Variants in FAM161A observed in about 807,000 individuals in gnomAD.
FAM161A encodes FAM161 centrosomal protein A, also known as protein FAM161A.
A neutral mutation model predicts 70.9 loss-of-function variants in FAM161A; 57 were observed. The observed-to-expected ratio is 0.80, with a 90% CI of 0.65 to 1.00. The LOEUF (loss-of-function observed/expected upper bound fraction) is 1.00, where lower values mean the gene tolerates loss of function less well. Ranked by LOEUF, FAM161A falls within the 50% of genes least tolerant of loss-of-function variation. FAM161A has a pLI of 0.00. For missense variants in FAM161A, 880 were observed against 836.0 expected (o/e 1.05, Z -0.65); for synonymous variants, 299 against 295.7 (o/e 1.01, Z -0.12).
At chr2:61,808,126 C>T in the FAM161A span, among the ~76,000 whole-genome samples, 1 of 152,152 alleles carries the variant, frequency 6.6e-6, no homozygotes, top group Non-Finnish European at 1.5e-5. Flanking sequence ...ACATGGCCAC[C>T]TGCTGTCTGC....
rs4270331 is a variant in FAM161A, at chr2:61,853,877, A to C, written c.165T>G (p.Ala55=). Residue 55 remains alanine (A), a synonymous_variant, in exon 1 of 7, where the codon GCT becomes GCG. Coordinates refer to ENST00000404929, the MANE Select transcript of FAM161A (RefSeq NM_001201543.2). The stretch of plus-strand genomic sequence containing the variant: ...GTATTACCGATGCCCCAGCGGGCTG[A>C]GCCACTTTCTCCTCCTCTTCGTCCT... ...ILEDEEEEKV[A]QPAGASADLN... 1,567,764 of 1,613,966 alleles carry C rather than the reference A, an allele frequency of 0.97. 761,595 individuals carry two copies. Among genetic ancestry groups the C allele is most frequent in the East Asian group, 0.99 (44,631 of 44,868 alleles).
downstream of FAM161A, among the ~76,000 whole-genome samples, chr2:61,823,395 G>C (rs1161240521): frequency 8.2e-6 from 1 of 122,644 alleles, no homozygotes; most frequent in African/African-American, 3.0e-5. Context: ...ATTGAGTCAG[G>C]GTCTCACTTT....
chr2:61,813,775 G>T, the FAM161A span, among the ~76,000 whole-genome samples: 6 of 151,258 alleles, frequency 4.0e-5, no homozygotes, highest in East Asian at 1.2e-3. Context: ...TAGCTATATT[G>T]TTGAGCTGTT....
At chr2:61,811,350 G>A in the FAM161A span, among the ~76,000 whole-genome samples, 1,464 of 151,736 alleles carry the variant, frequency 9.6e-3, 17 homozygotes, top group African/African-American at 0.033. Context: ...GGTATGCGCC[G>A]CCGCACCTGG....
Position 61,825,052 on chromosome 2 carries a change from C to T in FAM161A, c.*1403G>A, listed in dbSNP as rs754374384. ...ATTTGCCCCTGATGGAGAAAAATGACCTTATTTTTAAATTTAAAGCATAAA... is the reference window on the plus strand; with the variant it reads ...ATTTGCCCCTGATGGAGAAAAATGATCTTATTTTTAAATTTAAAGCATAAA... On this transcript the variant is annotated 3_prime_UTR_variant, in exon 7 of 7. Coordinates refer to ENST00000404929, the MANE Select transcript of FAM161A (RefSeq NM_001201543.2). The T allele has an allele frequency of 1.1e-5, 5 of 453,718 alleles. No individual in the cohort carries two copies. The highest frequency in any genetic ancestry group is 7.8e-5 in the South Asian group (5 of 64,278). 28.1% of individuals were successfully genotyped at this position (453,718 alleles called of 1,614,324 possible). A position where few individuals can be genotyped will look rare whatever the true frequency, so the allele number is the denominator to read the frequency against.
chr2:61,834,347 A>G (rs2105070966), intron 5 of FAM161A, among the ~76,000 whole-genome samples: 2 of 152,308 alleles, frequency 1.3e-5, no homozygotes, highest in South Asian at 4.1e-4. Context: ...ACTGGAGAAT[A>G]TAAGAGGGAG....
chr2:61,830,105 G>C (rs1004565409), intron 5 of FAM161A, among the ~76,000 whole-genome samples: 1 of 152,188 alleles, frequency 6.6e-6, no homozygotes. Context: ...GAGAATGGAT[G>C]ATTGTCCCTG....
chr2:61,838,678 C>T lies in FAM161A; in HGVS notation c.1611G>A (p.Leu537=). Residue 537 remains leucine, a synonymous_variant, in exon 4 of 7, where the codon TTG becomes TTA. Coordinates refer to ENST00000404929, the MANE Select transcript of FAM161A (RefSeq NM_001201543.2). The stretch of plus-strand genomic sequence containing the variant: ...TTAGGATCCGATTTCTCTCTTCTTC[C>T]AACATTTTCTTTTCCTCAAGTGATC... ...VRRSLEEKKM[L]EEERNRILTK... 1.2e-6 allele frequency: 2 copies of T among 1,608,072 alleles called. No homozygotes were observed. The highest frequency in any genetic ancestry group is 1.7e-6 in the Non-Finnish European group (2 of 1,177,872).
chr2:61,822,888 C>G (rs563757586), downstream of FAM161A, among the ~76,000 whole-genome samples: 9 of 152,166 alleles, frequency 5.9e-5, no homozygotes, highest in East Asian at 1.7e-3. Flanking sequence ...CTGCACCCGG[C>G]CTGAAGTTAA....
At chr2:61,823,361 TCATATATA>T (rs1321194956), downstream of FAM161A, among the ~76,000 whole-genome samples, 3 of 9,314 alleles carry the variant, frequency 3.2e-4, no homozygotes, top group Non-Finnish European at 6.7e-4. Context: ...AAATTTTCCA[TCATATATA>T]TATATATATA....
At chr2:61,817,219 G>A in the FAM161A span, among the ~76,000 whole-genome samples, 7 of 152,210 alleles carry the variant, frequency 4.6e-5, no homozygotes, top group East Asian at 1.9e-4. Context: ...CCTGTGAGTC[G>A]CTTCACAGAT....
At position 61,840,011 on chromosome 2, in the gene FAM161A, C is replaced by G; in HGVS notation, c.993G>C (p.Glu331Asp). The G allele has an allele frequency of 6.2e-7, 1 of 1,614,174 alleles. No homozygotes were observed. Among genetic ancestry groups the G allele is most frequent in the Non-Finnish European group, 8.5e-7 (1 of 1,180,040 alleles). ...TTTCCCGGGCTGCTCGCTTCTGTTC[C>G]TCCCTTGCTATAAATTTAAATGGCT... ...SQKPFKFIAR[E>D]EQKRAAREKQ... Residue 331 changes from glutamate to aspartate, a missense_variant, in exon 3 of 7, where the codon GAG becomes GAC. Glu to Asp is a conservative substitution (Grantham distance 45, BLOSUM62 2). Coordinates refer to ENST00000404929, the MANE Select transcript of FAM161A (RefSeq NM_001201543.2).
intron 5 of FAM161A, among the ~76,000 whole-genome samples, chr2:61,834,191 G>A (rs769981222): frequency 3.3e-5 from 5 of 152,192 alleles, no homozygotes; most frequent in Non-Finnish European, 5.9e-5. Flanking sequence ...ATGAAATCAT[G>A]TCCTTTGCAA....
At chr2:61,817,546 G>T in the FAM161A span, among the ~76,000 whole-genome samples, 1 of 152,178 alleles carries the variant, frequency 6.6e-6, no homozygotes, top group African/African-American at 2.4e-5. Flanking sequence ...TGGATCCTGA[G>T]CACAGAGCCT....
In FAM161A at chr2:61,839,073, G is replaced by GT. The variant is rs1672894835; in HGVS notation, c.1583+347_1583+348insA. Among the ~76,000 whole-genome samples the GT allele has an allele frequency of 6.6e-5, 10 of 151,478 alleles. No homozygotes were observed. In the South Asian group the frequency reaches 1.9e-3, roughly 28 times the overall value. ...AATTTTTTGTATTTTTAGTAGAGATGGGGGTTTCATTATCTCGGCCAGGGT... is the reference window on the plus strand; with the variant it reads ...AATTTTTTGTATTTTTAGTAGAGATGTGGGGTTTCATTATCTCGGCCAGGGT... On this transcript the variant is annotated intron_variant, in intron 3 of 6. Coordinates refer to ENST00000404929, the MANE Select transcript of FAM161A (RefSeq NM_001201543.2).
the FAM161A span, among the ~76,000 whole-genome samples, chr2:61,812,930 G>T: frequency 6.6e-6 from 1 of 152,016 alleles, no homozygotes; most frequent in East Asian, 1.9e-4. Context: ...TTAGCTGGGC[G>T]TGGTGGCAGG....
chr2:61,839,970 A>C lies in FAM161A; in HGVS notation c.1034T>G (p.Phe345Cys). The change falls in exon 3 of 7, where the codon TTT becomes TGT. Residue 345 changes from phenylalanine to cysteine, a missense_variant. Physicochemically the swap from Phe to Cys is radical, Grantham distance 205. Transcript: ENST00000404929. ...ATTTGTTTTCTTTTTATACTTAAGAAAGTCTCTCAGCTGCTTTTCCCGGGC... is the reference window on the plus strand; with the variant it reads ...ATTTGTTTTCTTTTTATACTTAAGACAGTCTCTCAGCTGCTTTTCCCGGGC... ...RAAREKQLRD[F>C]LKYKKKTNRF... 1 of 1,614,192 alleles carries C rather than the reference A, an allele frequency of 6.2e-7. No individual in the cohort carries two copies. Among genetic ancestry groups the C allele is most frequent in the South Asian group, 1.1e-5 (1 of 91,080 alleles).
chr2:61,808,646 A>C, the FAM161A span, among the ~76,000 whole-genome samples: 1 of 152,168 alleles, frequency 6.6e-6, no homozygotes. Flanking sequence ...AGAATACAGT[A>C]TTCAGGAAAT....
chr2:61,813,731 A>G, the FAM161A span, among the ~76,000 whole-genome samples: 3 of 133,458 alleles, frequency 2.2e-5, no homozygotes, highest in African/African-American at 5.7e-5. Context: ...AAAAAAAAAA[A>G]AAAAGAAAAA....
Sources: gnomAD v4.1 joint callset for allele counts (sites outside exome capture counted in the v4.1 genomes callset) on GRCh38, gnomAD v4.1.1 for gene constraint, MANE v1.5 for transcripts, NCBI Gene and HGNC (gene_info 2026-07-23, HGNC 2026-07-21) for gene names.